Variants in MAP3K5 observed in about 807,000 individuals in gnomAD.
MAP3K5 encodes ASK-1.
MAP3K5 carries 56 observed loss-of-function variants against 158.7 expected under a neutral mutation model. The observed-to-expected ratio is 0.35, with a 90% CI of 0.28 to 0.44. The LOEUF is 0.44. Ranked by LOEUF, MAP3K5 falls within the 20% of genes least tolerant of loss-of-function variation. The pLI, the probability that MAP3K5 is intolerant of heterozygous loss-of-function variation, is 1.00. For synonymous variants in MAP3K5, 579 were observed against 601.7 expected (o/e 0.96, Z 0.55); for missense variants, 1,294 against 1,674.8 (o/e 0.77, Z 3.97).
intron 7 of MAP3K5, among the ~76,000 whole-genome samples, chr6:136,691,141 T>C (rs1780368567): frequency 6.6e-6 from 1 of 152,208 alleles, no homozygotes; most frequent in African/African-American, 2.4e-5. Flanking sequence ...TGCCAAGAGA[T>C]AATTTTCTTT....
chr6:136,625,021 A>C (rs1319896627), intron 14 of MAP3K5, among the ~76,000 whole-genome samples: 1 of 152,222 alleles, frequency 6.6e-6, no homozygotes, highest in Non-Finnish European at 1.5e-5. Flanking sequence ...AGGTGACTGC[A>C]GAAGCTAGAA....
At chr6:136,765,507 C>T (rs1020630884) in intron 1 of MAP3K5, among the ~76,000 whole-genome samples, 1 of 150,850 alleles carries the variant, frequency 6.6e-6, no homozygotes, top group Non-Finnish European at 1.5e-5. Flanking sequence ...TTATTTTTAT[C>T]TTTTTTTATT....
chr6:136,759,350 A>C (rs1271349470), intron 1 of MAP3K5, among the ~76,000 whole-genome samples: 1 of 151,302 alleles, frequency 6.6e-6, no homozygotes, highest in African/African-American at 2.4e-5. Flanking sequence ...AAAGATAAAA[A>C]GGCAAAAGTC....
intron 9 of MAP3K5, among the ~76,000 whole-genome samples, 169 bp downstream of exon 9, chr6:136,659,050 A>G (rs947715373): frequency 1.3e-5 from 2 of 152,236 alleles, no homozygotes; most frequent in African/African-American, 4.8e-5. Context: ...GTCCAAAGTC[A>G]TCAGAATTGA....
Position 136,760,985 on chromosome 6 carries a change from A to C in MAP3K5, c.448+30725T>G, listed in dbSNP as rs537848613. On this transcript the variant is annotated intron_variant, in intron 1 of 29. Transcript: ENST00000359015. Reference sequence around the variant, plus strand: ...CTCTGTCTCAAAACAAAACGAAACAAAACAAAAAACCAGAGAGAAGCTCCA... The same window carrying C: ...CTCTGTCTCAAAACAAAACGAAACACAACAAAAAACCAGAGAGAAGCTCCA... Among the ~76,000 whole-genome samples, 4 of 152,198 alleles carry C rather than the reference A, an allele frequency of 2.6e-5. No individual in the cohort carries two copies. The East Asian group carries it at 7.7e-4, about 29-fold the overall frequency.
At chr6:136,706,335 G>A (rs1028682098) in intron 2 of MAP3K5, among the ~76,000 whole-genome samples, 1 of 152,056 alleles carries the variant, frequency 6.6e-6, no homozygotes, top group South Asian at 2.1e-4. Context: ...GATTGAGTGA[G>A]ATCATACAAA....
chr6:136,648,505 G>C (rs556299315), intron 11 of MAP3K5, among the ~76,000 whole-genome samples: 1 of 152,170 alleles, frequency 6.6e-6, no homozygotes, highest in Non-Finnish European at 1.5e-5. Context: ...TTGAGAGCAT[G>C]AGAATGGATG....
intron 15 of MAP3K5, among the ~76,000 whole-genome samples, chr6:136,614,689 T>C (rs1562548636): frequency 6.6e-6 from 1 of 152,234 alleles, no homozygotes; most frequent in Non-Finnish European, 1.5e-5. Flanking sequence ...TTAACATGAC[T>C]TTCTATTCCA....
chr6:136,703,557 C>T (rs1364156454), intron 3 of MAP3K5, among the ~76,000 whole-genome samples: 1 of 152,186 alleles, frequency 6.6e-6, no homozygotes, highest in African/African-American at 2.4e-5. Flanking sequence ...CAGCGCATGT[C>T]CAATCAGTAT....
intron 1 of MAP3K5, among the ~76,000 whole-genome samples, chr6:136,752,849 G>A (rs1170463975): frequency 6.6e-6 from 1 of 152,218 alleles, no homozygotes; most frequent in Non-Finnish European, 1.5e-5. Flanking sequence ...AGGGGAAAGA[G>A]AAAGGGGTCA....
At chr6:136,576,090 T>C (rs923671860) in intron 25 of MAP3K5, among the ~76,000 whole-genome samples, 5 of 152,222 alleles carry the variant, frequency 3.3e-5, no homozygotes, top group Admixed American at 6.5e-5. Flanking sequence ...AGGTGATCTT[T>C]CTCGTCCATA....
At chr6:136,673,728 A>AAC (rs1431370413) in intron 7 of MAP3K5, among the ~76,000 whole-genome samples, 2 of 151,790 alleles carry the variant, frequency 1.3e-5, no homozygotes, top group Non-Finnish European at 2.9e-5. Context: ...AAAAAAAGAA[A>AAC]ACACACACAC....
intron 27 of MAP3K5, among the ~76,000 whole-genome samples, chr6:136,561,880 C>T (rs1454070354): frequency 6.6e-6 from 1 of 152,186 alleles, no homozygotes. Flanking sequence ...CTACGTTACA[C>T]TTTCATATCA....
At chr6:136,640,459 C>T (rs185435893) in intron 12 of MAP3K5, among the ~76,000 whole-genome samples, 3 of 152,258 alleles carry the variant, frequency 2.0e-5, no homozygotes, top group East Asian at 3.9e-4. Context: ...GAATGCATGT[C>T]GTTTTTTACT....
At position 136,785,578 on chromosome 6, in the gene MAP3K5, T is replaced by C. The variant is rs564038432; in HGVS notation, c.448+6132A>G. 2.4e-4 allele frequency among the ~76,000 whole-genome samples: 36 copies of C among 152,258 alleles called. No homozygotes were observed. In the South Asian group the frequency reaches 7.5e-3, roughly 32 times the overall value. ...TGAGCACAGCAGCATCCCTGGGTCT[T>C]ACGTCGGCCAGAAGTAGAAAGGGAA... On this transcript the variant is annotated intron_variant, in intron 1 of 29. Transcript: ENST00000359015.
chr6:136,725,321 A>G (rs1478831403), intron 1 of MAP3K5, among the ~76,000 whole-genome samples: 1 of 152,214 alleles, frequency 6.6e-6, no homozygotes, highest in Non-Finnish European at 1.5e-5. Context: ...CCCGCCAGCA[A>G]AGTATGAGGA....
At chr6:136,732,468 G>C (rs2114835140) in intron 1 of MAP3K5, among the ~76,000 whole-genome samples, 1 of 152,068 alleles carries the variant, frequency 6.6e-6, no homozygotes, top group East Asian at 1.9e-4. Flanking sequence ...AAACAAGGAG[G>C]GAAGTAATTA....
At chr6:136,661,399 G>A (rs1778999350) in intron 8 of MAP3K5, among the ~76,000 whole-genome samples, 1 of 152,014 alleles carries the variant, frequency 6.6e-6, no homozygotes, top group African/African-American at 2.4e-5. Flanking sequence ...ATATAATTTT[G>A]TTGTTGTTGT....
rs1217530826 is a variant in MAP3K5, at chr6:136,650,535, T to G, written c.1788+449A>C. Among the ~76,000 whole-genome samples the G allele has an allele frequency of 2.6e-5, 4 of 152,372 alleles. No homozygotes were observed. The East Asian group carries it at 7.7e-4, about 29-fold the overall frequency. ...ACTGAGTCAGTGGCTAATCTGAGATTTGGCAACTACTTAGATAACAAAACA... is the reference window on the plus strand; with the variant it reads ...ACTGAGTCAGTGGCTAATCTGAGATGTGGCAACTACTTAGATAACAAAACA... On this transcript the variant is annotated intron_variant, in intron 11 of 29. Transcript: ENST00000359015.
Sources: gnomAD v4.1 joint callset for allele counts (sites outside exome capture counted in the v4.1 genomes callset) on GRCh38, gnomAD v4.1.1 for gene constraint, MANE v1.5 for transcripts, NCBI Gene and HGNC (gene_info 2026-07-23, HGNC 2026-07-21) for gene names.